The following IQCH variants were observed in gnomAD, a reference collection of about 807,000 sequenced individuals.
The protein encoded by IQCH is IQ motif containing H.
IQCH carries 98 observed loss-of-function variants against 117.0 expected under a neutral mutation model. The ratio of observed to expected loss-of-function variants is 0.84; its 90% confidence interval spans 0.71 to 0.99. The LOEUF (loss-of-function observed/expected upper bound fraction) is 0.99, where lower values mean the gene tolerates loss of function less well. IQCH is among the 50% of genes least tolerant of loss of function. The probability of loss-of-function intolerance (pLI) is 0.00; values close to 1 mark genes in which losing one functional copy is unlikely to be tolerated. For synonymous variants in IQCH, 412 were observed against 448.2 expected (o/e 0.92, Z 1.02); for missense variants, 1,102 against 1,243.8 (o/e 0.89, Z 1.72).
In IQCH at chr15:67,278,409, C is replaced by T. The variant is rs74924186; in HGVS notation, c.270-986C>T. Among the ~76,000 whole-genome samples the T allele has an allele frequency of 6.6e-3, 998 of 152,334 alleles. 12 individuals carry two copies. The highest frequency in any genetic ancestry group is 0.023 in the African/African-American group (956 of 41,574). On this transcript the variant is annotated intron_variant, in intron 3 of 20. Coordinates refer to ENST00000335894, the MANE Select transcript of IQCH (RefSeq NM_001031715.3). ...TTTTTAACTCTCAAGCTAGTCCACACTGAGCCTCGAGAAATTTGTCAATTA... is the reference window on the plus strand; with the variant it reads ...TTTTTAACTCTCAAGCTAGTCCACATTGAGCCTCGAGAAATTTGTCAATTA...
intron 20 of IQCH, among the ~76,000 whole-genome samples, chr15:67,495,526 A>G (rs1342126494): frequency 6.6e-6 from 1 of 152,224 alleles, no homozygotes; most frequent in Admixed American, 6.5e-5. Flanking sequence ...AGTTCCTGCT[A>G]GCTAGTAGCA....
At chr15:67,281,770 C>T in intron 4 of IQCH, 1 of 454,768 alleles carries the variant, frequency 2.2e-6, no homozygotes. Flanking sequence ...TGTCAAAGTA[C>T]ATATTTTGGG....
rs1011758419 is a variant in IQCH at position 67,281,894 on chromosome 15, G to T, written c.387+2382G>T. 1.3e-5 allele frequency: 5 copies of T among 389,956 alleles called. No homozygotes were observed. In the Admixed American group the frequency reaches 1.4e-4, roughly 11 times the overall value. The allele number at this position is 389,956 out of a possible 1,614,324, so 24.2% of individuals were successfully genotyped here. A position where few individuals can be genotyped will look rare whatever the true frequency, so the allele number is the denominator to read the frequency against. On this transcript the variant is annotated intron_variant, in intron 4 of 20. Transcript: ENST00000335894. ...GTGCTCATCTGCATGTAAAATATCA[G>T]TTCAGGCTCCTGTGAACTCCCAAAG...
intron 16 of IQCH, among the ~76,000 whole-genome samples, chr15:67,460,756 G>A (rs927375473): frequency 3.9e-5 from 6 of 152,108 alleles, no homozygotes; most frequent in African/African-American, 1.4e-4. Context: ...GCAACCTAGG[G>A]CAACCACTTC....
intron 3 of IQCH, among the ~76,000 whole-genome samples, chr15:67,269,940 A>T (rs1965833386): frequency 6.6e-6 from 1 of 152,204 alleles, no homozygotes. Flanking sequence ...ATGTTGCAGT[A>T]AACATGGGAC....
Position 67,388,976 on chromosome 15 carries a change from T to G in IQCH, c.1602T>G (p.Ile534Met). The G allele has an allele frequency of 6.2e-7, 1 of 1,613,924 alleles. No homozygotes were observed. Among genetic ancestry groups the G allele is most frequent in the Non-Finnish European group, 8.5e-7 (1 of 1,179,850 alleles). The change falls in exon 12 of 21, where the codon ATT becomes ATG. Residue 534 changes from isoleucine to methionine, a missense_variant. Transcript: ENST00000335894. This position sits in a 1 kb window ranked among gnomAD's most constrained non-coding sequence, Gnocchi z 5.5. ...GTGACCTGCAGGACAGGTTCAAAAT[T>G]ATCACACCTGAAGCTGTAAACATCT... is the stretch of plus-strand genomic sequence containing the variant. ...DRSDLQDRFK[I>M]ITPEAVNIFP...
intron 9 of IQCH, 135 bp downstream of exon 9, chr15:67,372,797 A>ACTCCC: frequency 1.5e-6 from 1 of 676,912 alleles, no homozygotes; most frequent in Non-Finnish European, 2.5e-6. Flanking sequence ...CACGCCTTTC[A>ACTCCC]CTCCCCTCAA....
At chr15:67,421,723 C>A (rs1203915694) in intron 16 of IQCH, 146 bp downstream of exon 16, 3 of 797,414 alleles carry the variant, frequency 3.8e-6, no homozygotes, top group African/African-American at 3.5e-5. Context: ...ACCTATATGG[C>A]CCATGCGAAT....
chr15:67,270,137 T>A (rs1427572005), intron 3 of IQCH, among the ~76,000 whole-genome samples: 1 of 152,214 alleles, frequency 6.6e-6, no homozygotes, highest in Admixed American at 6.5e-5. Flanking sequence ...CTTTAGGTTT[T>A]TCTGAATATA....
chr15:67,348,512 C>G (rs1170110624), intron 6 of IQCH, among the ~76,000 whole-genome samples: 2 of 151,934 alleles, frequency 1.3e-5, no homozygotes, highest in African/African-American at 4.8e-5. Context: ...TAAAAAAATA[C>G]CATTAACATA....
At position 67,395,347 on chromosome 15, in the gene IQCH, A is replaced by T. The variant is rs146355275; in HGVS notation, c.1689A>T (p.Arg563Ser). The T allele has an allele frequency of 1.7e-5, 28 of 1,614,056 alleles. No individual in the cohort carries two copies. In the African/African-American group the frequency reaches 3.3e-4, roughly 19 times the overall value. ...HLMYSPKAIK[R>S]IKNLIRGTEA... Reference sequence around the variant, plus strand: ...TGTACAGTCCCAAGGCAATCAAAAGAATAAAAAATCTCATCCGAGGAACAG... The same window carrying T: ...TGTACAGTCCCAAGGCAATCAAAAGTATAAAAAATCTCATCCGAGGAACAG... The change falls in exon 13 of 21, where the codon AGA (arginine) becomes AGT (serine). Residue 563 changes from arginine to serine, a missense_variant. Transcript: ENST00000335894. This position sits in a 1 kb window ranked among gnomAD's most constrained non-coding sequence, Gnocchi z 4.0.
intron 4 of IQCH, among the ~76,000 whole-genome samples, chr15:67,299,835 C>T (rs7163528): frequency 0.99 from 151,383 of 152,270 alleles, 75,262 homozygotes; most frequent in Non-Finnish European, 1. Flanking sequence ...TGCCTGTGTA[C>T]TTTCTTTTAT....
intron 8 of IQCH, among the ~76,000 whole-genome samples, chr15:67,362,881 T>G (rs1387431391): frequency 6.6e-6 from 1 of 152,240 alleles, no homozygotes; most frequent in African/African-American, 2.4e-5. Flanking sequence ...TAGCAGCAGT[T>G]TTGGCTTTAA....
chr15:67,342,031 G>A lies in IQCH; in HGVS notation c.509-2032G>A, dbSNP rs983143597. 6.6e-6 allele frequency among the ~76,000 whole-genome samples: 1 copy of A among 152,006 alleles called. No homozygotes were observed. Among genetic ancestry groups the A allele is most frequent in the African/African-American group, 2.4e-5 (1 of 41,364 alleles). On this transcript the variant is annotated intron_variant, in intron 5 of 20. Coordinates refer to ENST00000335894, the MANE Select transcript of IQCH (RefSeq NM_001031715.3). This position sits in a 1 kb window ranked among gnomAD's most constrained non-coding sequence, Gnocchi z 4.7. The stretch of plus-strand genomic sequence containing the variant: ...CACACCTATAATCTCAGCACCTTGG[G>A]AGGCCAAGGCAGGAAGATTGCTTGA...
At chr15:67,449,932 GTCCTTCACATCCCTTGTAAGTTGGAT>G (rs887950496) in intron 16 of IQCH, among the ~76,000 whole-genome samples, 5 of 151,890 alleles carry the variant, frequency 3.3e-5, no homozygotes, top group Non-Finnish European at 7.4e-5. Flanking sequence ...CCTTGAAGAG[GTCCTTCACATCCCTTGTAAGTTGGAT>G]TCCTAGGTAT....
chr15:67,295,183 A>G (rs1966844866), intron 4 of IQCH, among the ~76,000 whole-genome samples: 2 of 152,142 alleles, frequency 1.3e-5, no homozygotes, highest in Admixed American at 1.3e-4. Context: ...AAAAAAATAA[A>G]TGAAATCAGA....
rs1418740343 is a variant in IQCH, at chr15:67,416,387, C to T, written c.2098-544C>T. 1.3e-5 allele frequency among the ~76,000 whole-genome samples: 2 copies of T among 151,864 alleles called. No individual in the cohort carries two copies. Among genetic ancestry groups the T allele is most frequent in the African/African-American group, 2.4e-5 (1 of 41,332 alleles). On this transcript the variant is annotated intron_variant, in intron 14 of 20. Coordinates refer to ENST00000335894, the MANE Select transcript of IQCH (RefSeq NM_001031715.3). The surrounding 1 kb of genome is among the most constrained non-coding windows in gnomAD (Gnocchi z 5.1). Reference sequence around the variant, plus strand: ...ACAAAATTAGCCAGGTGTGGTGACGCATGCCTGTAGTCCCAGCTACTCGGG... The same window carrying T: ...ACAAAATTAGCCAGGTGTGGTGACGTATGCCTGTAGTCCCAGCTACTCGGG...
At chr15:67,487,915 T>C (rs2083536013) in intron 18 of IQCH, among the ~76,000 whole-genome samples, 1 of 152,122 alleles carries the variant, frequency 6.6e-6, no homozygotes, top group South Asian at 2.1e-4. Flanking sequence ...TTACCTCTTA[T>C]TTATTTGGAG....
chr15:67,395,281 C>G lies in IQCH; in HGVS notation c.1633-10C>G. On this transcript the variant is annotated splice_polypyrimidine_tract_variant and intron_variant, in intron 12 of 20. Transcript: ENST00000335894. This position sits in a 1 kb window ranked among gnomAD's most constrained non-coding sequence, Gnocchi z 4.0. ...CACCTTTTAACAAGAATAATATGAT[C>G]TTCCCCCAGAAGCATCATATGTGCC... 2.5e-6 allele frequency: 4 copies of G among 1,606,428 alleles called. No individual in the cohort carries two copies. Among genetic ancestry groups the G allele is most frequent in the Non-Finnish European group, 3.4e-6 (4 of 1,174,950 alleles).
Sources: gnomAD v4.1 joint callset for allele counts (sites outside exome capture counted in the v4.1 genomes callset) on GRCh38, gnomAD v4.1.1 for gene constraint, Gnocchi (gnomAD v3.1) non-coding constraint, MANE v1.5 for transcripts, NCBI Gene and HGNC (gene_info 2026-07-23, HGNC 2026-07-21) for gene names.